ODAM: variants seen among roughly 807,000 people sequenced by gnomAD.
ODAM encodes the protein odontogenic, ameloblast associated.
Under a neutral mutation model 48.5 loss-of-function variants are expected in ODAM, and 55 were observed. The observed-to-expected ratio is 1.13, with a 90% CI of 0.91 to 1.42. The LOEUF is 1.42. Among genes scored for constraint, ODAM ranks in the 40% most tolerant of loss-of-function variants. The pLI is 0.00. For synonymous variants in ODAM, 127 were observed against 107.8 expected, an observed-to-expected ratio of 1.18 and a Z score of -1.10; for missense variants, 353 against 323.6, an observed-to-expected ratio of 1.09 and a Z score of -0.70.
At position 70,197,297 on chromosome 4, in the gene ODAM, T is replaced by TTAA. The variant is rs1729390404; in HGVS notation, c.117_118insTAA (p.Gly39_Gln40insTer). On this transcript the variant is annotated stop_gained and inframe_insertion, in exon 4 of 12. Transcript: ENST00000683306. LOFTEE classifies it high-confidence loss of function. ...AGTTACTTCTTAATCTTAATAATGG[T>TTAA]CAACTTTTGCCACTACAACTTCAGG... is the stretch of plus-strand genomic sequence containing the variant. 6.9e-7 allele frequency: 1 copy of TTAA among 1,449,320 alleles called. No homozygotes were observed. Among genetic ancestry groups the TTAA allele is most frequent in the Non-Finnish European group, 9.7e-7 (1 of 1,031,606 alleles). The allele number at this position is 1,449,320 out of a possible 1,614,324, so 89.8% of individuals were successfully genotyped here. A position where few individuals can be genotyped will look rare whatever the true frequency, so the allele number is the denominator to read the frequency against.
At chr4:70,197,460 C>A in intron 4 of ODAM, 139 bp downstream of exon 4, 1 of 676,504 alleles carries the variant, frequency 1.5e-6, no homozygotes, top group South Asian at 1.6e-5. Flanking sequence ...CTCATATGTT[C>A]TAGTGGCCAT....
chr4:70,201,622 T>TGTATGTATCCACTCA (rs1237012067), intron 8 of ODAM, 121 bp downstream of exon 8: 5 of 654,046 alleles, frequency 7.6e-6, no homozygotes, highest in South Asian at 1.7e-5. Context: ...TGAACAAAAT[T>TGTATGTATCCACTCA]GTATGTATCC....
chr4:70,195,934 A>G (rs1199571019), intron 1 of ODAM, 141 bp downstream of exon 1: 1 of 163,424 alleles, frequency 6.1e-6, no homozygotes, highest in Admixed American at 6.6e-5. Flanking sequence ...CTAGAAGACA[A>G]GAGAAATATA....
intron 8 of ODAM, 52 bp downstream of exon 8, chr4:70,201,553 T>C: frequency 1.0e-6 from 1 of 973,552 alleles, no homozygotes; most frequent in African/African-American, 1.6e-5. Context: ...ACTTCCTTCA[T>C]TGTCTACTAA....
At chr4:70,202,206 A>G (rs377682360) in intron 8 of ODAM, 52 bp from the exon 9 acceptor site, 82 of 1,380,518 alleles carry the variant, frequency 5.9e-5, no homozygotes, top group Non-Finnish European at 7.9e-5. Flanking sequence ...GCCAAAGAGC[A>G]TATTTTCAAC....
In ODAM at chr4:70,198,158, G is replaced by GT. The variant is rs755391402; in HGVS notation, c.375+2dup. ...TCAGACACAACCAGGCCCCAGTCACGTAAGTCAGGCCTCTTTCATTTTGTT... is the reference window on the plus strand; with the variant it reads ...TCAGACACAACCAGGCCCCAGTCACGTTAAGTCAGGCCTCTTTCATTTTGTT... On this transcript the variant is annotated splice_donor_variant, in intron 5 of 11. Coordinates refer to ENST00000683306, the MANE Select transcript of ODAM (RefSeq NM_017855.4). LOFTEE classifies it high-confidence loss of function. The GT allele has an allele frequency of 6.2e-7, 1 of 1,611,480 alleles. No homozygotes were observed. The highest frequency in any genetic ancestry group is 1.1e-5 in the South Asian group (1 of 90,930).
Position 70,196,726 on chromosome 4 carries a change from G to C in ODAM, c.86G>C (p.Ser29Thr). The C allele has an allele frequency of 1.2e-6, 2 of 1,604,596 alleles. No homozygotes were observed. The highest frequency in any genetic ancestry group is 2.2e-5 in the South Asian group (2 of 89,020). Reference protein sequence around the residue: ...IPQRLMSASNSNELLLNLNNG... With the variant: ...IPQRLMSASNTNELLLNLNNG... ...CAGCGTCTCATGTCTGCCAGCAATA[G>C]CAATGAGGTTAGTTTAAATAATTAA... The change falls in exon 3 of 12, where the codon AGC (serine) becomes ACC (threonine). Residue 29 changes from serine (S) to threonine (T), a missense_variant. Ser to Thr is a moderately conservative substitution (Grantham distance 58). Transcript: ENST00000683306.
At chr4:70,202,021 A>C (rs930452075) in intron 8 of ODAM, among the ~76,000 whole-genome samples, 1 of 151,912 alleles carries the variant, frequency 6.6e-6, no homozygotes, top group Non-Finnish European at 1.5e-5. Flanking sequence ...CTTTATGCTC[A>C]ACAGGTAAGT....
chr4:70,198,677 A>T, intron 6 of ODAM, 51 bp downstream of exon 6: 1 of 1,400,556 alleles, frequency 7.1e-7, no homozygotes, highest in Non-Finnish European at 1.0e-6. Context: ...TACACTCTCC[A>T]CAATGCTTTC....
At chr4:70,198,508 G>C (rs1729429052) in intron 5 of ODAM, 71 bp from the exon 6 acceptor site, 9 of 1,208,366 alleles carry the variant, frequency 7.4e-6, no homozygotes, top group Admixed American at 4.6e-5. Context: ...CTAGCTCTAG[G>C]AAAAGCAGCT....
At position 70,202,427 on chromosome 4, in the gene ODAM, A is replaced by G. The variant is rs113902416; in HGVS notation, c.648+98A>G. On this transcript the variant is annotated intron_variant, in intron 9 of 11. Coordinates refer to ENST00000683306, the MANE Select transcript of ODAM (RefSeq NM_017855.4). ...TTAATATCAACTCTGTTGTAATTCC[A>G]TCAATAATTTTTGCTTCTTCTTCTT... 7.5e-5 allele frequency: 77 copies of G among 1,022,776 alleles called. No homozygotes were observed. The African/African-American group carries it at 7.6e-4, about 10-fold the overall frequency. The allele number at this position is 1,022,776 out of a possible 1,614,324, so 63.4% of individuals were successfully genotyped here.
chr4:70,203,242 G>A, intron 11 of ODAM, 28 bp downstream of exon 11: 1 of 1,281,922 alleles, frequency 7.8e-7, no homozygotes, highest in Non-Finnish European at 1.1e-6. Context: ...TCAAGAATTA[G>A]GTGCCACGAC....
intron 6 of ODAM, among the ~76,000 whole-genome samples, chr4:70,199,564 T>C (rs951245291): frequency 2.0e-5 from 3 of 152,020 alleles, no homozygotes; most frequent in African/African-American, 4.8e-5. Flanking sequence ...CCACCCCTTC[T>C]GTCTCCTTTA....
Position 70,201,499 on chromosome 4 carries a change from C to A in ODAM, c.574C>A (p.Pro192Thr). 6.7e-7 allele frequency: 1 copy of A among 1,486,078 alleles called. No homozygotes were observed. The highest frequency in any genetic ancestry group is 9.4e-7 in the Non-Finnish European group (1 of 1,068,480). 92.1% of individuals were successfully genotyped at this position (1,486,078 alleles called of 1,614,324 possible). The part of the protein sequence containing the change: ...QFGYIPQLAE[P>T]AISGGQQQLA... ...TGGATACATTCCACAACTAGCAGAACCTGTAAGTAAATGCATATTTTTCAT... is the reference window on the plus strand; with the variant it reads ...TGGATACATTCCACAACTAGCAGAAACTGTAAGTAAATGCATATTTTTCAT... The change falls in exon 8 of 12, where the codon CCT becomes ACT. Residue 192 changes from proline to threonine, a missense_variant and splice_region_variant. Coordinates refer to ENST00000683306, the MANE Select transcript of ODAM (RefSeq NM_017855.4).
intron 8 of ODAM, among the ~76,000 whole-genome samples, 158 bp downstream of exon 8, chr4:70,201,659 C>T (rs1022726387): frequency 2.6e-5 from 4 of 151,858 alleles, no homozygotes; most frequent in Admixed American, 1.3e-4. Flanking sequence ...AGAACACACA[C>T]GTGGGGATTC....
At chr4:70,197,636 T>C (rs1178222545) in intron 4 of ODAM, 1 of 540,388 alleles carries the variant, frequency 1.9e-6, no homozygotes. Context: ...AGGTTTAGGG[T>C]TAAGGTAGGG....
In ODAM at chr4:70,196,721, C is replaced by T. The variant is rs372000636; in HGVS notation, c.81C>T (p.Ser27=). Residue 27 remains serine, a synonymous_variant, in exon 3 of 12, where the codon AGC becomes AGT. Coordinates refer to ENST00000683306, the MANE Select transcript of ODAM (RefSeq NM_017855.4). The stretch of plus-strand genomic sequence containing the variant: ...TCCCACAGCGTCTCATGTCTGCCAG[C>T]AATAGCAATGAGGTTAGTTTAAATA... The part of the protein sequence containing the change: ...PLIPQRLMSA[S]NSNELLLNLN... 281 of 1,605,936 alleles carry T rather than the reference C, an allele frequency of 1.7e-4. 1 individual carries two copies. The African/African-American group carries it at 3.4e-3, about 19-fold the overall frequency.
At chr4:70,199,111 C>G (rs984645932) in intron 6 of ODAM, among the ~76,000 whole-genome samples, 4 of 151,960 alleles carry the variant, frequency 2.6e-5, no homozygotes, top group African/African-American at 9.7e-5. Context: ...TATACATTTC[C>G]AATTTGAATC....
chr4:70,198,202 A>T (rs780710928), intron 5 of ODAM, 45 bp downstream of exon 5: 1 of 1,462,706 alleles, frequency 6.8e-7, no homozygotes, highest in South Asian at 1.2e-5. Context: ...AGAGAACTGC[A>T]TGTTTAATCT....
Sources: allele counts gnomAD v4.1 joint callset (sites outside exome capture counted in the v4.1 genomes callset), GRCh38; gene constraint gnomAD v4.1.1; transcripts MANE v1.5; gene names NCBI Gene and HGNC (gene_info 2026-07-23, HGNC 2026-07-21).